The following NTN1 variants were observed in gnomAD, a reference collection of about 807,000 sequenced individuals.
NTN1 encodes netrin-1.
A neutral mutation model predicts 54.2 loss-of-function variants in NTN1; 11 were observed. That is an observed-to-expected ratio of 0.20 (90% confidence interval 0.13 to 0.34). The LOEUF is 0.34. NTN1 is among the 10% of genes least tolerant of loss of function. The probability of loss-of-function intolerance (pLI) is 1.00; values close to 1 mark genes in which losing one functional copy is unlikely to be tolerated. For synonymous variants in NTN1, 371 were observed against 382.0 expected (o/e 0.97, Z 0.33); for missense variants, 740 against 893.1 (o/e 0.83, Z 2.18).
chr17:9,095,073 G>A (rs2092126458), intron 2 of NTN1, among the ~76,000 whole-genome samples: 1 of 150,542 alleles, frequency 6.6e-6, no homozygotes, highest in African/African-American at 2.4e-5. Context: ...TAACATGTCT[G>A]TTAGCCACTT....
At chr17:9,195,009 A>C in intron 5 of NTN1, among the ~76,000 whole-genome samples, 1 of 149,906 alleles carries the variant, frequency 6.7e-6, no homozygotes, top group African/African-American at 2.5e-5. Context: ...CTTCTTTCTC[A>C]CTCTCTGCTG....
At chr17:9,202,240 CA>C (rs201574385) in intron 5 of NTN1, among the ~76,000 whole-genome samples, 2 of 150,218 alleles carry the variant, frequency 1.3e-5, no homozygotes, top group African/African-American at 2.5e-5. Context: ...GACTCCATCT[CA>C]AAAAAAAAGA....
At chr17:9,217,549 A>G (rs1905241703) in intron 5 of NTN1, among the ~76,000 whole-genome samples, 1 of 152,182 alleles carries the variant, frequency 6.6e-6, no homozygotes, top group South Asian at 2.1e-4. Context: ...GAGAGAGAAC[A>G]TACGGTAACA....
chr17:9,156,588 C>T (rs1406488344), intron 2 of NTN1, among the ~76,000 whole-genome samples: 3 of 152,138 alleles, frequency 2.0e-5, no homozygotes, highest in African/African-American at 7.2e-5. Context: ...GGTGGGCCAA[C>T]ACTTATGGTT....
intron 2 of NTN1, among the ~76,000 whole-genome samples, chr17:9,082,546 CTGG>C (rs1284572976): frequency 6.6e-6 from 1 of 152,150 alleles, no homozygotes; most frequent in African/African-American, 2.4e-5. Flanking sequence ...ACACAACTGG[CTGG>C]TGAGGGCAGC....
At chr17:9,127,794 A>G (rs934677706) in intron 2 of NTN1, among the ~76,000 whole-genome samples, 3 of 152,158 alleles carry the variant, frequency 2.0e-5, no homozygotes, top group Admixed American at 6.5e-5. Flanking sequence ...TCTAGGATGC[A>G]GGAAGAGAGA....
chr17:9,232,290 C>T (rs1386069471), intron 6 of NTN1, among the ~76,000 whole-genome samples: 1 of 152,212 alleles, frequency 6.6e-6, no homozygotes, highest in Non-Finnish European at 1.5e-5. Context: ...CAGAGCAGGG[C>T]CCAGATCCAC....
At chr17:9,131,676 G>C (rs947017891) in intron 2 of NTN1, among the ~76,000 whole-genome samples, 4 of 151,790 alleles carry the variant, frequency 2.6e-5, no homozygotes, top group Admixed American at 6.6e-5. Context: ...TGCTTTCTGG[G>C]CTCAAGCGAT....
At chr17:9,075,307 C>G (rs1391481671) in intron 2 of NTN1, among the ~76,000 whole-genome samples, 1 of 152,040 alleles carries the variant, frequency 6.6e-6, no homozygotes, top group Non-Finnish European at 1.5e-5. Context: ...ATGGTGAAAC[C>G]CTGTCTCTAG....
chr17:9,013,128 A>G, the NTN1 span, among the ~76,000 whole-genome samples: 1 of 151,974 alleles, frequency 6.6e-6, no homozygotes, highest in Non-Finnish European at 1.5e-5. Flanking sequence ...TGTGGTAGCC[A>G]GGTCTGTTCT....
intron 5 of NTN1, among the ~76,000 whole-genome samples, chr17:9,186,466 C>T (rs971452159): frequency 6.6e-6 from 1 of 152,266 alleles, no homozygotes; most frequent in Non-Finnish European, 1.5e-5. Flanking sequence ...TGGGCTCCCT[C>T]CACCTCCCAA....
chr17:9,218,164 C>T (rs12951271), intron 5 of NTN1, among the ~76,000 whole-genome samples: 4,876 of 152,290 alleles, frequency 0.032, 112 homozygotes, highest in Middle Eastern at 0.054. Flanking sequence ...ATCAGAAAGT[C>T]CTGGGAGTGG....
At chr17:9,077,757 C>T (rs1208143006) in intron 2 of NTN1, among the ~76,000 whole-genome samples, 1 of 152,140 alleles carries the variant, frequency 6.6e-6, no homozygotes, top group Non-Finnish European at 1.5e-5. Flanking sequence ...GTATAAACCA[C>T]CCATTTCTCT....
chr17:9,041,262 G>C (rs975533131), intron 2 of NTN1, among the ~76,000 whole-genome samples: 1 of 152,010 alleles, frequency 6.6e-6, no homozygotes, highest in Non-Finnish European at 1.5e-5. Context: ...TATGTTCGTC[G>C]ATTGGTACAA....
At position 9,219,523 on chromosome 17, in the gene NTN1, C is replaced by T. The variant is rs1905284360; in HGVS notation, c.1412-1645C>T. Among the ~76,000 whole-genome samples the T allele has an allele frequency of 6.6e-6, 1 of 152,160 alleles. No homozygotes were observed. The highest frequency in any genetic ancestry group is 2.4e-5 in the African/African-American group (1 of 41,432). ...AGGAAGCGGTGGGAGGCTACCACAC[C>T]CATGGCCCCCAAGGTAGTGGGATAG... is the stretch of plus-strand genomic sequence containing the variant. On this transcript the variant is annotated intron_variant, in intron 5 of 6. Transcript: ENST00000173229. The surrounding 1 kb of genome is among the most constrained non-coding windows in gnomAD (Gnocchi z 4.5).
chr17:9,111,715 A>G (rs1466709749), intron 2 of NTN1, among the ~76,000 whole-genome samples: 2 of 152,232 alleles, frequency 1.3e-5, no homozygotes, highest in Admixed American at 1.3e-4. Context: ...TATATACTGT[A>G]TTCTTACAAT....
chr17:9,098,154 A>G (rs2092138205), intron 2 of NTN1, among the ~76,000 whole-genome samples: 1 of 152,104 alleles, frequency 6.6e-6, no homozygotes. Context: ...TTTACTTCCA[A>G]GTTTGCTGGA....
chr17:9,180,967 T>C (rs947940894), intron 4 of NTN1, among the ~76,000 whole-genome samples: 9 of 151,896 alleles, frequency 5.9e-5, no homozygotes, highest in Non-Finnish European at 1.3e-4. Flanking sequence ...AAATCTGGGG[T>C]TCGGAAAACA....
intron 6 of NTN1, among the ~76,000 whole-genome samples, chr17:9,231,062 C>T (rs1262320420): frequency 6.6e-6 from 1 of 152,166 alleles, no homozygotes. Context: ...TCAGCCGTGC[C>T]CTGTGTCTCC....
Sources: allele counts gnomAD v4.1 joint callset (sites outside exome capture counted in the v4.1 genomes callset), GRCh38; gene constraint gnomAD v4.1.1; non-coding constraint Gnocchi (gnomAD v3.1); transcripts MANE v1.5; gene names NCBI Gene and HGNC (gene_info 2026-07-23, HGNC 2026-07-21).